LPAR1: variants seen among roughly 807,000 people sequenced by gnomAD.
The protein encoded by LPAR1 is LPA receptor 1.
Under a neutral mutation model 23.8 loss-of-function variants are expected in LPAR1, and 5 were observed. The observed-to-expected ratio is 0.21, with a 90% CI of 0.11 to 0.44. The LOEUF (loss-of-function observed/expected upper bound fraction) is 0.44. LPAR1 is among the 20% of genes least tolerant of loss of function. The pLI is 0.99. For synonymous variants in LPAR1, 160 were observed against 164.7 expected, an observed-to-expected ratio of 0.97 and a Z score of 0.22; for missense variants, 311 against 482.8, an observed-to-expected ratio of 0.64 and a Z score of 3.33.
intron 5 of LPAR1, among the ~76,000 whole-genome samples, chr9:110,893,581 T>C (rs1459706114): frequency 3.9e-5 from 6 of 152,230 alleles, no homozygotes; most frequent in African/African-American, 1.2e-4. Flanking sequence ...AGTAGTTACC[T>C]TGAGGAACCA....
chr9:111,010,025 ATATATATATATATATATATATG>A (rs1564330784), intron 2 of LPAR1, among the ~76,000 whole-genome samples: 2 of 58,740 alleles, frequency 3.4e-5, no homozygotes, highest in East Asian at 3.5e-4. Context: ...ATATATATAT[ATATATATATATATATATATATG>A]GATACATAGA....
At chr9:110,913,178 A>G (rs1404726928) in intron 5 of LPAR1, among the ~76,000 whole-genome samples, 1 of 152,226 alleles carries the variant, frequency 6.6e-6, no homozygotes, top group Non-Finnish European at 1.5e-5. Flanking sequence ...GATATAATAG[A>G]TACCATCTAT....
At chr9:110,990,552 T>C (rs902478777) in intron 2 of LPAR1, among the ~76,000 whole-genome samples, 2 of 152,034 alleles carry the variant, frequency 1.3e-5, no homozygotes, top group Non-Finnish European at 2.9e-5. Context: ...TTGAACTAAA[T>C]GAAGAGGAAA....
At chr9:110,986,253 G>A (rs1236474801) in intron 2 of LPAR1, among the ~76,000 whole-genome samples, 3 of 152,062 alleles carry the variant, frequency 2.0e-5, no homozygotes, top group Non-Finnish European at 4.4e-5. Flanking sequence ...TACTGAGGGC[G>A]CCACTGTGCC....
At chr9:111,026,333 A>T (rs1294923547) in intron 2 of LPAR1, among the ~76,000 whole-genome samples, 1 of 152,132 alleles carries the variant, frequency 6.6e-6, no homozygotes, top group Non-Finnish European at 1.5e-5. Flanking sequence ...CTGTTCGTCT[A>T]TTAATGATGT....
intron 2 of LPAR1, among the ~76,000 whole-genome samples, chr9:111,028,148 T>G (rs2097731447): frequency 6.6e-6 from 1 of 151,554 alleles, no homozygotes; most frequent in Non-Finnish European, 1.5e-5. Flanking sequence ...TTTTTTTTTT[T>G]GAGGCAGAAT....
At chr9:111,027,473 C>G (rs2097714154) in intron 2 of LPAR1, among the ~76,000 whole-genome samples, 1 of 152,162 alleles carries the variant, frequency 6.6e-6, no homozygotes, top group South Asian at 2.1e-4. Flanking sequence ...TGAACTCCAG[C>G]CTGGGTGACA....
chr9:111,017,457 T>G (rs969301314), intron 2 of LPAR1, among the ~76,000 whole-genome samples: 1 of 152,186 alleles, frequency 6.6e-6, no homozygotes, highest in African/African-American at 2.4e-5. Context: ...GCAAATCTAT[T>G]ACCTCCTAAG....
chr9:110,910,845 A>G (rs2092335464), intron 5 of LPAR1, among the ~76,000 whole-genome samples: 1 of 152,230 alleles, frequency 6.6e-6, no homozygotes, highest in African/African-American at 2.4e-5. Flanking sequence ...GCACCTGAAG[A>G]TGTAGCTAAA....
chr9:110,916,424 A>G (rs1452794675), intron 5 of LPAR1, among the ~76,000 whole-genome samples: 2 of 152,228 alleles, frequency 1.3e-5, no homozygotes, highest in Admixed American at 1.3e-4. Flanking sequence ...GGTGGTGGTC[A>G]AGTTCAGAAT....
chr9:110,981,055 A>C (rs1443242188), intron 2 of LPAR1, among the ~76,000 whole-genome samples: 1 of 152,116 alleles, frequency 6.6e-6, no homozygotes, highest in Non-Finnish European at 1.5e-5. Flanking sequence ...TTTGTCCTTA[A>C]AAGAACTCTT....
intron 2 of LPAR1, among the ~76,000 whole-genome samples, chr9:111,030,019 C>G (rs2141489187): frequency 7.0e-6 from 1 of 142,582 alleles, no homozygotes; most frequent in South Asian, 2.2e-4. Context: ...GCACTCCAGC[C>G]TGGGCAATAA....
At chr9:111,020,425 G>A (rs1034198182) in intron 2 of LPAR1, among the ~76,000 whole-genome samples, 2 of 152,164 alleles carry the variant, frequency 1.3e-5, no homozygotes, top group African/African-American at 4.8e-5. Context: ...CTAAACCCCT[G>A]CTTGAGTGTT....
intron 5 of LPAR1, among the ~76,000 whole-genome samples, chr9:110,901,349 C>A (rs1173563481): frequency 6.6e-6 from 1 of 152,166 alleles, no homozygotes; most frequent in Non-Finnish European, 1.5e-5. Context: ...GATGTAAGAA[C>A]TTCAGCTCAT....
rs1489190887 is a variant in LPAR1, at chr9:110,941,721, C to G, written c.493G>C (p.Val165Leu). 6.2e-7 allele frequency: 1 copy of G among 1,614,096 alleles called. No individual in the cohort carries two copies. Among genetic ancestry groups the G allele is most frequent in the African/African-American group, 1.3e-5 (1 of 74,950 alleles). The change falls in exon 5 of 6, where the codon GTG becomes CTG. Residue 165 changes from valine to leucine, a missense_variant. This residue lies in a region of LPAR1 where 250 missense variants were observed against 427.2 expected (regional missense o/e 0.59). Transcript: ENST00000683809. This position sits in a 1 kb window ranked among gnomAD's most constrained non-coding sequence, Gnocchi z 6.1. ...GTCCAGATGACCACAATGACCACCA[C>G]TACCCGCCGGTTGCTCATCCGTGTG... ...LHTRMSNRRV[V>L]VVIVVIWTMA...
At chr9:110,979,300 TAAA>T (rs896498214) in intron 2 of LPAR1, among the ~76,000 whole-genome samples, 1 of 142,058 alleles carries the variant, frequency 7.0e-6, no homozygotes. Context: ...AATGTAGAGT[TAAA>T]AAAAAAAAAG....
intron 5 of LPAR1, among the ~76,000 whole-genome samples, chr9:110,887,062 G>A (rs1465533054): frequency 1.3e-5 from 2 of 152,032 alleles, no homozygotes; most frequent in Non-Finnish European, 2.9e-5. Context: ...TACAAATTAA[G>A]ATTCTCCCAA....
intron 5 of LPAR1, among the ~76,000 whole-genome samples, chr9:110,930,133 C>T (rs1218862370): frequency 6.6e-6 from 1 of 152,172 alleles, no homozygotes; most frequent in Non-Finnish European, 1.5e-5. Flanking sequence ...TCGACTTTTC[C>T]TGGCAATGAT....
At chr9:110,936,679 T>C (rs1225786829) in intron 5 of LPAR1, among the ~76,000 whole-genome samples, 1 of 152,144 alleles carries the variant, frequency 6.6e-6, no homozygotes, top group Non-Finnish European at 1.5e-5. Context: ...CAGAACAAAC[T>C]AGAAAAACAG....
Sources: allele counts gnomAD v4.1 joint callset (sites outside exome capture counted in the v4.1 genomes callset), GRCh38; gene constraint gnomAD v4.1.1; regional missense constraint gnomAD v4.1.1; non-coding constraint Gnocchi (gnomAD v3.1); transcripts MANE v1.5; gene names NCBI Gene and HGNC (gene_info 2026-07-23, HGNC 2026-07-21).